The following PTPN3 variants were observed in gnomAD, a reference collection of about 807,000 sequenced individuals.
PTPN3 encodes the protein protein tyrosine phosphatase non-receptor type 3, also known as tyrosine-protein phosphatase non-receptor type 3.
A neutral mutation model predicts 132.7 loss-of-function variants in PTPN3; 96 were observed. The ratio of observed to expected loss-of-function variants is 0.72; its 90% CI spans 0.61 to 0.86. The LOEUF is 0.86. Among genes scored for constraint, PTPN3 ranks in the 40% least tolerant of loss-of-function variants. The pLI is 0.00. For synonymous variants in PTPN3, 398 were observed against 429.0 expected (o/e 0.93, Z 0.89); for missense variants, 1,125 against 1,159.6 (o/e 0.97, Z 0.43).
the PTPN3 span, among the ~76,000 whole-genome samples, chr9:109,514,272 A>G: frequency 3.9e-5 from 6 of 152,172 alleles, no homozygotes; most frequent in Non-Finnish European, 5.9e-5. Context: ...TAATGTTATT[A>G]AGGCATGGAT....
At chr9:109,466,365 C>A (rs1012793456) in intron 1 of PTPN3, among the ~76,000 whole-genome samples, 3 of 152,122 alleles carry the variant, frequency 2.0e-5, no homozygotes, top group African/African-American at 7.2e-5. Context: ...TAGCTAGCTA[C>A]GGTAGTGTGC....
At chr9:109,450,835 G>A in intron 5 of PTPN3, 1 of 985,394 alleles carries the variant, frequency 1.0e-6, no homozygotes, top group Admixed American at 6.1e-5. Flanking sequence ...CTCAACTTCA[G>A]AAAAATGTAA....
At chr9:109,448,535 C>A (rs1219523084) in intron 6 of PTPN3, among the ~76,000 whole-genome samples, 1 of 152,186 alleles carries the variant, frequency 6.6e-6, no homozygotes, top group Non-Finnish European at 1.5e-5. Context: ...GGGTCCCCTC[C>A]TCCCTTTAAA....
At chr9:109,430,519 C>T (rs1843580902) in intron 10 of PTPN3, among the ~76,000 whole-genome samples, 1 of 150,960 alleles carries the variant, frequency 6.6e-6, no homozygotes, top group African/African-American at 2.4e-5. Flanking sequence ...GCGGGGCTCC[C>T]TACTGCCCTT....
At chr9:109,445,986 T>C (rs545466278) in intron 6 of PTPN3, among the ~76,000 whole-genome samples, 49 of 152,340 alleles carry the variant, frequency 3.2e-4, no homozygotes, top group African/African-American at 1.1e-3. Context: ...CCAGGTGCCC[T>C]GTTTCTGCCA....
intron 14 of PTPN3, chr9:109,417,597 A>G: frequency 7.1e-6 from 7 of 984,760 alleles, no homozygotes; most frequent in Non-Finnish European, 8.4e-6. Flanking sequence ...ACCTGGAGCA[A>G]TGGGGGTTCC....
chr9:109,395,800 G>C (rs1292048198), intron 19 of PTPN3, among the ~76,000 whole-genome samples: 1 of 150,526 alleles, frequency 6.6e-6, no homozygotes, highest in Admixed American at 6.6e-5. Flanking sequence ...GTGTCTGTCT[G>C]TGTGTGTGTC....
intron 12 of PTPN3, 134 bp from the exon 13 acceptor site, chr9:109,422,986 G>A: frequency 9.0e-7 from 1 of 1,108,154 alleles, no homozygotes; most frequent in Non-Finnish European, 1.3e-6. Flanking sequence ...GGGGAGTAGA[G>A]GGAGACAGCT....
At chr9:109,481,639 C>T (rs144867233) in intron 1 of PTPN3, among the ~76,000 whole-genome samples, 23 of 152,334 alleles carry the variant, frequency 1.5e-4, no homozygotes, top group Non-Finnish European at 2.9e-4. Context: ...TTAGATTTCT[C>T]CTTAAATGTA....
At chr9:109,473,068 A>C (rs1846457334) in intron 1 of PTPN3, among the ~76,000 whole-genome samples, 1 of 152,248 alleles carries the variant, frequency 6.6e-6, no homozygotes, top group African/African-American at 2.4e-5. Flanking sequence ...TTTTATGAAA[A>C]AATGATTTAT....
chr9:109,410,822 G>T (rs1842019374), intron 14 of PTPN3, among the ~76,000 whole-genome samples: 2 of 152,224 alleles, frequency 1.3e-5, no homozygotes, highest in Admixed American at 1.3e-4. Context: ...CACTTCTGCG[G>T]ATGGTTCTGC....
intron 25 of PTPN3, among the ~76,000 whole-genome samples, chr9:109,380,837 G>C (rs1564367021): frequency 6.6e-6 from 1 of 152,098 alleles, no homozygotes. Context: ...TACCCTGGGG[G>C]TTTTTACCAG....
intron 2 of PTPN3, among the ~76,000 whole-genome samples, chr9:109,462,485 C>T (rs927318555): frequency 2.6e-5 from 4 of 152,146 alleles, no homozygotes; most frequent in Non-Finnish European, 5.9e-5. Context: ...GATGTCTTTC[C>T]TTGCACACTG....
At chr9:109,488,187 C>A (rs369197057) in intron 1 of PTPN3, among the ~76,000 whole-genome samples, 1 of 151,346 alleles carries the variant, frequency 6.6e-6, no homozygotes, top group Non-Finnish European at 1.5e-5. Flanking sequence ...CCTCTGCCCC[C>A]ACACCCCAGG....
At chr9:109,440,563 G>A (rs973264977) in intron 7 of PTPN3, among the ~76,000 whole-genome samples, 1 of 152,150 alleles carries the variant, frequency 6.6e-6, no homozygotes, top group Admixed American at 6.5e-5. Context: ...CCTGTGAGCC[G>A]CTGCTGGCCA....
At chr9:109,506,698 G>A in the PTPN3 span, among the ~76,000 whole-genome samples, 1 of 151,518 alleles carries the variant, frequency 6.6e-6, no homozygotes, top group Non-Finnish European at 1.5e-5. Flanking sequence ...AACCTCCCAG[G>A]CTTAAGCAAT....
At chr9:109,474,221 A>C (rs2132081034) in intron 1 of PTPN3, among the ~76,000 whole-genome samples, 1 of 152,288 alleles carries the variant, frequency 6.6e-6, no homozygotes, top group Middle Eastern at 3.4e-3. Flanking sequence ...CATACTGAGG[A>C]AAATGACATC....
intron 1 of PTPN3, among the ~76,000 whole-genome samples, chr9:109,465,301 G>A (rs1404968613): frequency 3.3e-5 from 5 of 152,322 alleles, no homozygotes; most frequent in South Asian, 4.1e-4. Flanking sequence ...AAGCAGCCGG[G>A]CACGGTGGTT....
At chr9:109,504,308 A>C in the PTPN3 span, among the ~76,000 whole-genome samples, 1 of 152,186 alleles carries the variant, frequency 6.6e-6, no homozygotes, top group Non-Finnish European at 1.5e-5. Context: ...TTCATCCTCT[A>C]GTCCCAAGAA....
Sources: gnomAD v4.1 joint callset for allele counts (sites outside exome capture counted in the v4.1 genomes callset) on GRCh38, gnomAD v4.1.1 for gene constraint, MANE v1.5 for transcripts, NCBI Gene and HGNC (gene_info 2026-07-23, HGNC 2026-07-21) for gene names.